The following LMNB1 variants were observed in gnomAD, a reference collection of about 807,000 sequenced individuals.
LMNB1 encodes the protein lamin B1, also known as lamin-B1.
LMNB1 carries 23 observed loss-of-function variants against 67.1 expected under a neutral mutation model. That is an observed-to-expected ratio of 0.34 (90% CI 0.25 to 0.49). LMNB1 has a LOEUF of 0.49. Ranked by LOEUF, LMNB1 falls within the 20% of genes least tolerant of loss-of-function variation. The pLI is 0.99. For synonymous variants in LMNB1, 281 were observed against 282.9 expected, an observed-to-expected ratio of 0.99 and a Z score of 0.07; for missense variants, 634 against 746.5, an observed-to-expected ratio of 0.85 and a Z score of 1.76.
At chr5:126,834,515 G>T (rs1752204594) in intron 10 of LMNB1, among the ~76,000 whole-genome samples, 1 of 152,240 alleles carries the variant, frequency 6.6e-6, no homozygotes, top group Admixed American at 6.5e-5. Context: ...CAAAGTGGGG[G>T]TAAATAGTCT....
chr5:126,818,131 A>C (rs1751758938), intron 5 of LMNB1, among the ~76,000 whole-genome samples: 1 of 152,184 alleles, frequency 6.6e-6, no homozygotes, highest in Non-Finnish European at 1.5e-5. Context: ...AGTGCCTTCC[A>C]CATAGTAACC....
At chr5:126,787,387 T>C (rs2112927536) in intron 1 of LMNB1, among the ~76,000 whole-genome samples, 1 of 134,700 alleles carries the variant, frequency 7.4e-6, no homozygotes, top group Non-Finnish European at 1.7e-5. Flanking sequence ...TCAAATAATT[T>C]ATATAACTGG....
At chr5:126,786,617 A>T (rs1007405613) in intron 1 of LMNB1, among the ~76,000 whole-genome samples, 1 of 152,086 alleles carries the variant, frequency 6.6e-6, no homozygotes, top group Non-Finnish European at 1.5e-5. Flanking sequence ...TACAGGTATT[A>T]CTCTGGTTTA....
intron 1 of LMNB1, among the ~76,000 whole-genome samples, chr5:126,788,887 TTTTTTTTTG>T (rs1203079065): frequency 2.7e-5 from 3 of 112,560 alleles, no homozygotes; most frequent in African/African-American, 6.0e-5. Context: ...AGGAGACAAG[TTTTTTTTTG>T]TTTTTTTTGT....
intron 8 of LMNB1, among the ~76,000 whole-genome samples, chr5:126,824,138 A>C (rs1003672772): frequency 3.9e-5 from 6 of 152,218 alleles, no homozygotes; most frequent in African/African-American, 1.4e-4. Context: ...ATTAAATGTG[A>C]TAAGCAGCTC....
intron 1 of LMNB1, among the ~76,000 whole-genome samples, chr5:126,788,237 T>TAAA (rs1694627094): frequency 6.6e-6 from 1 of 152,040 alleles, no homozygotes; most frequent in African/African-American, 2.4e-5. Flanking sequence ...TGCCGGACTT[T>TAAA]AGGTAGCAAT....
chr5:126,783,336 A>C (rs1750677441), intron 1 of LMNB1, among the ~76,000 whole-genome samples: 1 of 142,108 alleles, frequency 7.0e-6, no homozygotes, highest in Non-Finnish European at 1.5e-5. Context: ...CCTTAATATA[A>C]GAGTTATCAA....
chr5:126,810,408 A>G (rs1231276612), intron 4 of LMNB1, 58 bp downstream of exon 4: 6 of 1,271,314 alleles, frequency 4.7e-6, no homozygotes, highest in South Asian at 1.5e-5. Flanking sequence ...CACAATTCCC[A>G]TGATGAACAT....
Position 126,820,924 on chromosome 5 carries a change from C to A in LMNB1, c.1175C>A (p.Pro392Gln). ...TTCCCATATAGGTTGAAGCTGTCTC[C>A]AAGCCCTTCTTCCCGTGTGACAGTA... ...EGEEERLKLS[P>Q]SPSSRVTVSR... Residue 392 changes from proline to glutamine, a missense_variant, in exon 7 of 11, where the codon CCA (proline) becomes CAA (glutamine). By Grantham distance (76) the Pro-to-Gln change is moderately conservative (BLOSUM62 -1). Coordinates refer to ENST00000261366, the MANE Select transcript of LMNB1 (RefSeq NM_005573.4). 3 of 1,613,522 alleles carry A rather than the reference C, an allele frequency of 1.9e-6. No individual in the cohort carries two copies. Among genetic ancestry groups the A allele is most frequent in the East Asian group, 2.2e-5 (1 of 44,874 alleles).
chr5:126,808,449 A>G (rs949836439), intron 3 of LMNB1, among the ~76,000 whole-genome samples: 6 of 151,706 alleles, frequency 4.0e-5, no homozygotes, highest in African/African-American at 1.5e-4. Flanking sequence ...TCAGCCTCCC[A>G]AAGTGCTGGG....
At chr5:126,780,243 A>G (rs1168536186) in intron 1 of LMNB1, among the ~76,000 whole-genome samples, 1 of 152,164 alleles carries the variant, frequency 6.6e-6, no homozygotes, top group Non-Finnish European at 1.5e-5. Context: ...TCACCGTTCT[A>G]TGTTAGAGGA....
intron 6 of LMNB1, chr5:126,819,369 A>G (rs1194767904): frequency 2.6e-6 from 1 of 381,166 alleles, no homozygotes; most frequent in Non-Finnish European, 4.7e-6. Flanking sequence ...GCTGAACTGC[A>G]TCAGGATGGA....
At chr5:126,831,686 A>G (rs1295454092) in intron 9 of LMNB1, among the ~76,000 whole-genome samples, 2 of 152,186 alleles carry the variant, frequency 1.3e-5, no homozygotes, top group Admixed American at 1.3e-4. Flanking sequence ...CATTTTATTC[A>G]GCATTTATTT....
chr5:126,780,754 C>T (rs1277436779), intron 1 of LMNB1, among the ~76,000 whole-genome samples: 2 of 152,188 alleles, frequency 1.3e-5, no homozygotes, highest in African/African-American at 2.4e-5. Context: ...TTCCCCCCAA[C>T]ATACCATCAT....
At chr5:126,821,544 G>T (rs1751868373) in intron 7 of LMNB1, among the ~76,000 whole-genome samples, 1 of 152,130 alleles carries the variant, frequency 6.6e-6, no homozygotes, top group South Asian at 2.1e-4. Flanking sequence ...ATAAGAGCCT[G>T]GACTCAGATA....
rs566476642 is a variant in LMNB1, at chr5:126,830,277, G to A, written c.1612-2417G>A. Among the ~76,000 whole-genome samples the A allele has an allele frequency of 1.1e-4, 16 of 152,312 alleles. No individual in the cohort carries two copies. In the South Asian group the frequency reaches 3.1e-3, roughly 30 times the overall value. The stretch of plus-strand genomic sequence containing the variant: ...ATCAGTGCACCTTCATATGCCCAAG[G>A]CTCGCAGCAGGGGCGGACCAATGCT... On this transcript the variant is annotated intron_variant, in intron 9 of 10. Transcript: ENST00000261366.
At chr5:126,827,869 G>GT (rs1752034297) in intron 9 of LMNB1, among the ~76,000 whole-genome samples, 1 of 152,154 alleles carries the variant, frequency 6.6e-6, no homozygotes, top group Non-Finnish European at 1.5e-5. Flanking sequence ...CCCCTTAGGG[G>GT]TTTTTTGTCT....
chr5:126,836,346 A>T lies in LMNB1; in HGVS notation c.*82A>T. 1.1e-6 allele frequency: 1 copy of T among 878,802 alleles called. No homozygotes were observed. Among genetic ancestry groups the T allele is most frequent in the Non-Finnish European group, 1.8e-6 (1 of 563,922 alleles). 54.4% of individuals were successfully genotyped at this position (878,802 alleles called of 1,614,324 possible). The stretch of plus-strand genomic sequence containing the variant: ...GTGCAGAGCCTTCTCAGAAGCACAG[A>T]ATATTTTTATATTTCCTTTATGTGA... On this transcript the variant is annotated 3_prime_UTR_variant, in exon 11 of 11. Transcript: ENST00000261366.
chr5:126,777,406 G>C lies in LMNB1; in HGVS notation c.-103G>C, dbSNP rs534624566. Reference sequence around the variant, plus strand: ...ACGCCAGCGTCTGGACGTGAGCGCAGGTCGCCGGTTTGTGCCTTCGGTCCC... The same window carrying C: ...ACGCCAGCGTCTGGACGTGAGCGCACGTCGCCGGTTTGTGCCTTCGGTCCC... On this transcript the variant is annotated 5_prime_UTR_variant, in exon 1 of 11. Transcript: ENST00000261366. The C allele has an allele frequency of 1.0e-3, 1,268 of 1,215,294 alleles. 20 individuals carry two copies. The African/African-American group carries it at 0.018, about 18-fold the overall frequency. The allele number at this position is 1,215,294 out of a possible 1,614,324, so 75.3% of individuals were successfully genotyped here.
Sources: gnomAD v4.1 joint callset for allele counts (sites outside exome capture counted in the v4.1 genomes callset) on GRCh38, gnomAD v4.1.1 for gene constraint, MANE v1.5 for transcripts, NCBI Gene and HGNC (gene_info 2026-07-23, HGNC 2026-07-21) for gene names.